Variants in LPP observed in about 807,000 individuals in gnomAD.
LPP encodes the protein lipoma-preferred partner.
LPP carries 38 observed loss-of-function variants against 60.4 expected under a neutral mutation model. The observed-to-expected ratio is 0.63, with a 90% confidence interval of 0.49 to 0.83. The LOEUF is 0.83. LPP is among the 40% of genes least tolerant of loss of function. The pLI is 0.00. For synonymous variants in LPP, 328 were observed against 290.8 expected, an observed-to-expected ratio of 1.13 and a Z score of -1.30; for missense variants, 902 against 783.6, an observed-to-expected ratio of 1.15 and a Z score of -1.80.
At chr3:188,657,255 G>GGT (rs1278155637) in intron 7 of LPP, among the ~76,000 whole-genome samples, 68 of 27,662 alleles carry the variant, frequency 2.5e-3, no homozygotes, top group East Asian at 5.7e-3. Context: ...GAGCTGTCAA[G>GGT]GTGTATATAT....
At chr3:188,774,730 C>T (rs1393977752) in intron 9 of LPP, among the ~76,000 whole-genome samples, 2 of 152,110 alleles carry the variant, frequency 1.3e-5, no homozygotes, top group Admixed American at 6.5e-5. Flanking sequence ...GATAGCCACC[C>T]TCTCACTGTG....
intron 9 of LPP, among the ~76,000 whole-genome samples, chr3:188,846,919 G>C (rs6762217): frequency 0.56 from 85,548 of 151,888 alleles, 24,457 homozygotes; most frequent in East Asian, 0.84. Context: ...GAAATATGCT[G>C]TGGCAGAATA....
chr3:188,622,620 C>G (rs1846007704), intron 7 of LPP, among the ~76,000 whole-genome samples: 1 of 152,034 alleles, frequency 6.6e-6, no homozygotes. Flanking sequence ...TGCCAAAGGA[C>G]ATACAATGAT....
intron 2 of LPP, among the ~76,000 whole-genome samples, chr3:188,248,246 C>T (rs991188968): frequency 2.0e-5 from 3 of 151,570 alleles, no homozygotes; most frequent in African/African-American, 4.9e-5. Flanking sequence ...AAATGTTGGG[C>T]GAAGGGAGCG....
chr3:188,801,526 C>T (rs1489940879), intron 9 of LPP, among the ~76,000 whole-genome samples: 2 of 152,160 alleles, frequency 1.3e-5, no homozygotes, highest in African/African-American at 4.8e-5. Flanking sequence ...GAGAACTCCT[C>T]TGACTCAAGG....
At chr3:188,318,889 G>A (rs1756047766) in intron 2 of LPP, among the ~76,000 whole-genome samples, 1 of 149,322 alleles carries the variant, frequency 6.7e-6, no homozygotes, top group Admixed American at 6.7e-5. Flanking sequence ...CTCCCAAGTA[G>A]CTGGGACTAC....
chr3:188,708,714 T>C (rs1243548848), intron 8 of LPP: 2 of 425,824 alleles, frequency 4.7e-6, no homozygotes, highest in Admixed American at 3.8e-5. Context: ...AAAAATTAGC[T>C]GAGTGTGGTG....
chr3:188,803,496 A>G (rs903314336), intron 9 of LPP, among the ~76,000 whole-genome samples: 3 of 152,144 alleles, frequency 2.0e-5, no homozygotes, highest in Non-Finnish European at 4.4e-5. Flanking sequence ...ATATAAGGTG[A>G]TCAAATTTTG....
At chr3:188,811,895 G>T (rs1178208386) in intron 9 of LPP, among the ~76,000 whole-genome samples, 1 of 152,142 alleles carries the variant, frequency 6.6e-6, no homozygotes, top group Non-Finnish European at 1.5e-5. Context: ...TACATAAGAT[G>T]TTTTGATATA....
At chr3:188,303,671 CA>C (rs372629813) in intron 2 of LPP, among the ~76,000 whole-genome samples, 2 of 152,084 alleles carry the variant, frequency 1.3e-5, no homozygotes, top group East Asian at 1.9e-4. Flanking sequence ...GGATAAGAAG[CA>C]GGGCACTTGT....
rs533403126 is a variant in LPP, at chr3:188,875,010, T to G, written c.*531T>G. 2 of 223,832 alleles carry G rather than the reference T, an allele frequency of 8.9e-6. No homozygotes were observed. Among genetic ancestry groups the G allele is most frequent in the Admixed American group, 1.1e-4 (2 of 17,540 alleles). The allele number at this position is 223,832 out of a possible 1,614,324, so 13.9% of individuals were successfully genotyped here. On this transcript the variant is annotated 3_prime_UTR_variant, in exon 12 of 12. Coordinates refer to ENST00000617246, the MANE Select transcript of LPP (RefSeq NM_001375462.1). ...TCCTTGGGGAGGGAAATGCACAATT[T>G]TTTTTTGTTAGGCTGTAAAGAATTT... is the stretch of plus-strand genomic sequence containing the variant.
intron 5 of LPP, among the ~76,000 whole-genome samples, chr3:188,514,441 A>AT (rs113726600): frequency 0.018 from 2,353 of 129,626 alleles, 47 homozygotes; most frequent in African/African-American, 0.052. Context: ...TTTTTATTTT[A>AT]TTTTTTTTTT....
chr3:188,729,618 C>T (rs1298296379), intron 8 of LPP, among the ~76,000 whole-genome samples: 2 of 152,150 alleles, frequency 1.3e-5, no homozygotes, highest in Non-Finnish European at 2.9e-5. Flanking sequence ...AAATGCAAAT[C>T]AAGCCAGCTA....
Position 188,861,783 on chromosome 3 carries a change from G to C in LPP, c.1411-4417G>C, listed in dbSNP as rs796510341. Among the ~76,000 whole-genome samples, 3 of 152,178 alleles carry C rather than the reference G, an allele frequency of 2.0e-5. No homozygotes were observed. The South Asian group carries it at 6.2e-4, about 32-fold the overall frequency. On this transcript the variant is annotated intron_variant, in intron 9 of 11. Coordinates refer to ENST00000617246, the MANE Select transcript of LPP (RefSeq NM_001375462.1). ...AAGTTGATTTGTGATTTAATTGTTAGTTTCACTGAGTTTTTTTGTTTTTAG... is the reference window on the plus strand; with the variant it reads ...AAGTTGATTTGTGATTTAATTGTTACTTTCACTGAGTTTTTTTGTTTTTAG...
chr3:188,721,969 G>A (rs536972963), intron 8 of LPP, among the ~76,000 whole-genome samples: 1 of 152,162 alleles, frequency 6.6e-6, no homozygotes, highest in Admixed American at 6.5e-5. Context: ...TTCATATATT[G>A]TCCTCTCTAC....
At chr3:188,659,060 T>C (rs1354730581) in intron 7 of LPP, among the ~76,000 whole-genome samples, 2 of 152,226 alleles carry the variant, frequency 1.3e-5, no homozygotes. Flanking sequence ...CTCAACTTTA[T>C]GTTTCCAAAT....
chr3:188,786,211 C>G (rs1253576205), intron 9 of LPP, among the ~76,000 whole-genome samples: 1 of 151,488 alleles, frequency 6.6e-6, no homozygotes, highest in African/African-American at 2.4e-5. Context: ...GAAACCCTGT[C>G]TCTACTAAAA....
At chr3:188,784,538 T>TATATATATATTCCATC (rs1740962609) in intron 9 of LPP, among the ~76,000 whole-genome samples, 2 of 35,674 alleles carry the variant, frequency 5.6e-5, no homozygotes, top group Non-Finnish European at 4.6e-5. Flanking sequence ...TATTCCATCA[T>TATATATATATTCCATC]ATATATATAT....
chr3:188,194,289 T>C (rs1229657159), intron 1 of LPP, among the ~76,000 whole-genome samples: 1 of 152,378 alleles, frequency 6.6e-6, no homozygotes, highest in East Asian at 1.9e-4. Flanking sequence ...CTTTACACCT[T>C]TTCTAATTTC....
Sources: allele counts gnomAD v4.1 joint callset (sites outside exome capture counted in the v4.1 genomes callset), GRCh38; gene constraint gnomAD v4.1.1; transcripts MANE v1.5; gene names NCBI Gene and HGNC (gene_info 2026-07-23, HGNC 2026-07-21).